The following TRAF3IP1 variants were observed in gnomAD, a reference collection of about 807,000 sequenced individuals.
The protein encoded by TRAF3IP1 is intraflagellar transport 54, also known as TRAF3-interacting protein 1.
Under a neutral mutation model 89.9 loss-of-function variants are expected in TRAF3IP1, and 53 were observed. That is an observed-to-expected ratio of 0.59 (90% CI 0.47 to 0.74). The LOEUF (loss-of-function observed/expected upper bound fraction) is 0.74. Ranked by LOEUF, TRAF3IP1 falls within the 30% of genes least tolerant of loss-of-function variation. TRAF3IP1 has a pLI of 0.00. For synonymous variants in TRAF3IP1, 311 were observed against 322.1 expected (o/e 0.97, Z 0.37); for missense variants, 806 against 866.1 (o/e 0.93, Z 0.87).
intron 3 of TRAF3IP1, among the ~76,000 whole-genome samples, 175 bp downstream of exon 3, chr2:238,326,145 TA>T (rs1179726488): frequency 6.6e-6 from 1 of 152,120 alleles, no homozygotes; most frequent in African/African-American, 2.4e-5. Flanking sequence ...ACAGAAGGAG[TA>T]ATTTAATACT....
intron 15 of TRAF3IP1, among the ~76,000 whole-genome samples, chr2:238,364,691 T>A (rs1021085458): frequency 6.6e-6 from 1 of 152,196 alleles, no homozygotes; most frequent in Non-Finnish European, 1.5e-5. Context: ...TTCATTTAAA[T>A]TTTTTATTTT....
In TRAF3IP1 at chr2:238,323,346, C is replaced by T. The variant is rs570154033; in HGVS notation, c.124-1960C>T. Among the ~76,000 whole-genome samples, 12 of 152,110 alleles carry T rather than the reference C, an allele frequency of 7.9e-5. No homozygotes were observed. The South Asian group carries it at 1.0e-3, about 13-fold the overall frequency. On this transcript the variant is annotated intron_variant, in intron 1 of 16. Coordinates refer to ENST00000373327, the MANE Select transcript of TRAF3IP1 (RefSeq NM_015650.4). ...CGCCTGCCTCGGCCTCCCAAAGTGC[C>T]GAGATTACAGGTGTGAGCTACTGTA...
chr2:238,331,645 G>T (rs113454532), intron 5 of TRAF3IP1, among the ~76,000 whole-genome samples: 27 of 152,232 alleles, frequency 1.8e-4, no homozygotes, highest in African/African-American at 6.5e-4. Context: ...CGTGGATCTC[G>T]CATGGTGGTT....
chr2:238,361,026 A>T (rs1699633419), intron 15 of TRAF3IP1, among the ~76,000 whole-genome samples: 1 of 151,232 alleles, frequency 6.6e-6, no homozygotes, highest in Non-Finnish European at 1.5e-5. Flanking sequence ...CGCTTGTCTG[A>T]CTTTGCCTTT....
At chr2:238,340,691 C>CT (rs1254999179) in intron 8 of TRAF3IP1, among the ~76,000 whole-genome samples, 3 of 151,826 alleles carry the variant, frequency 2.0e-5, no homozygotes, top group Admixed American at 2.0e-4. Flanking sequence ...GCTTACTTCT[C>CT]TAACTGTTTC....
At chr2:238,368,952 C>T (rs542912424) in intron 15 of TRAF3IP1, among the ~76,000 whole-genome samples, 37 of 152,234 alleles carry the variant, frequency 2.4e-4, no homozygotes, top group Middle Eastern at 3.4e-3. Flanking sequence ...GGATTACAAG[C>T]GTGAGCCACT....
At chr2:238,384,336 T>TGATG (rs757751181) in intron 15 of TRAF3IP1, among the ~76,000 whole-genome samples, 5,691 of 136,796 alleles carry the variant, frequency 0.042, 173 homozygotes, top group Non-Finnish European at 0.057. Flanking sequence ...AGAATCAACC[T>TGATG]GATGTATGTA....
rs778353014 is a variant in TRAF3IP1, at chr2:238,338,460, A to G, written c.1159+3A>G. On this transcript the variant is annotated splice_donor_region_variant and intron_variant, in intron 8 of 16. Coordinates refer to ENST00000373327, the MANE Select transcript of TRAF3IP1 (RefSeq NM_015650.4). ...GGAAACGACAACATCAGAAATAGGTAAGAAAAATATATTCTTTAGTTTAAA... is the reference window on the plus strand; with the variant it reads ...GGAAACGACAACATCAGAAATAGGTGAGAAAAATATATTCTTTAGTTTAAA... 1 of 1,516,050 alleles carries G rather than the reference A, an allele frequency of 6.6e-7. No individual in the cohort carries two copies. Among genetic ancestry groups the G allele is most frequent in the Non-Finnish European group, 9.1e-7 (1 of 1,104,566 alleles). The allele number at this position is 1,516,050 out of a possible 1,614,324, so 93.9% of individuals were successfully genotyped here. A position where few individuals can be genotyped will look rare whatever the true frequency, so the allele number is the denominator to read the frequency against.
At chr2:238,330,838 CTCTT>C (rs1698082908) in intron 5 of TRAF3IP1, among the ~76,000 whole-genome samples, 1 of 152,234 alleles carries the variant, frequency 6.6e-6, no homozygotes, top group South Asian at 2.1e-4. Flanking sequence ...TAAAATGTCA[CTCTT>C]TCCCCCTCCA....
At chr2:238,343,436 T>G in intron 8 of TRAF3IP1, among the ~76,000 whole-genome samples, 1 of 150,882 alleles carries the variant, frequency 6.6e-6, no homozygotes, top group African/African-American at 2.4e-5. Flanking sequence ...GGCTGGAGAG[T>G]GGTGGCATGA....
intron 7 of TRAF3IP1, 62 bp from the exon 8 acceptor site, chr2:238,338,300 A>C: frequency 9.3e-7 from 1 of 1,080,778 alleles, no homozygotes; most frequent in Admixed American, 2.6e-5. Context: ...AATCCCAGCT[A>C]AAACAACCAA....
At chr2:238,385,912 C>G (rs1235905918) in intron 15 of TRAF3IP1, among the ~76,000 whole-genome samples, 3 of 152,210 alleles carry the variant, frequency 2.0e-5, no homozygotes, top group Non-Finnish European at 4.4e-5. Context: ...GATAGTCTGT[C>G]ACCCTTCAGT....
chr2:238,322,687 CAA>C (rs71043130), intron 1 of TRAF3IP1, among the ~76,000 whole-genome samples: 2 of 43,594 alleles, frequency 4.6e-5, no homozygotes, highest in Non-Finnish European at 3.7e-5. Flanking sequence ...GACCCTGTCT[CAA>C]AAAAAAAAAA....
At position 238,365,994 on chromosome 2, in the gene TRAF3IP1, C is replaced by T. The variant is rs531924027; in HGVS notation, c.1689+9914C>T. Among the ~76,000 whole-genome samples, 103 of 152,268 alleles carry T rather than the reference C, an allele frequency of 6.8e-4. 3 individuals are homozygous for T. The South Asian group carries it at 0.021, about 30-fold the overall frequency. ...GGCGCAGTGGCTCACGCCTGTAATC[C>T]TAGCACTTTGGGAGGCCGAGGCGGG... On this transcript the variant is annotated intron_variant, in intron 15 of 16. Transcript: ENST00000373327.
chr2:238,339,714 C>G (rs1255094011), intron 8 of TRAF3IP1, among the ~76,000 whole-genome samples: 2 of 152,220 alleles, frequency 1.3e-5, no homozygotes, highest in African/African-American at 4.8e-5. Context: ...AACGAGGTGT[C>G]CATTAAGTGG....
At chr2:238,384,380 G>GTATGTATGTATGTATA (rs1553619335) in intron 15 of TRAF3IP1, among the ~76,000 whole-genome samples, 1 of 143,238 alleles carries the variant, frequency 7.0e-6, no homozygotes, top group Admixed American at 7.1e-5. Flanking sequence ...ATGTATGTAT[G>GTATGTATGTATGTATA]TATATATATA....
chr2:238,324,411 G>T (rs1697710079), intron 1 of TRAF3IP1, among the ~76,000 whole-genome samples: 1 of 151,940 alleles, frequency 6.6e-6, no homozygotes, highest in African/African-American at 2.4e-5. Context: ...CATTGCACCT[G>T]AAGGACTCTT....
chr2:238,328,261 T>G (rs1417331549), intron 3 of TRAF3IP1, among the ~76,000 whole-genome samples: 1 of 150,272 alleles, frequency 6.7e-6, no homozygotes, highest in African/African-American at 2.5e-5. Context: ...GTTTTGTGTG[T>G]TTTTTTTTAG....
At chr2:238,365,099 T>C (rs1699819141) in intron 15 of TRAF3IP1, among the ~76,000 whole-genome samples, 1 of 152,248 alleles carries the variant, frequency 6.6e-6, no homozygotes, top group Admixed American at 6.5e-5. Context: ...AGTATTTAGC[T>C]AAATTGTTGA....
Sources: gnomAD v4.1 joint callset for allele counts (sites outside exome capture counted in the v4.1 genomes callset) on GRCh38, gnomAD v4.1.1 for gene constraint, MANE v1.5 for transcripts, NCBI Gene and HGNC (gene_info 2026-07-23, HGNC 2026-07-21) for gene names.